Variants in LINGO2 observed in about 807,000 individuals in gnomAD.
LINGO2 encodes the protein leucine-rich repeat and immunoglobulin-like domain-containing nogo receptor-interacting protein 2.
LINGO2 carries 14 observed loss-of-function variants against 30.6 expected under a neutral mutation model. The observed-to-expected ratio is 0.46, with a 90% CI of 0.30 to 0.72. The LOEUF is 0.72. Ranked by LOEUF, LINGO2 falls within the 30% of genes least tolerant of loss-of-function variation. The pLI is 0.07. For synonymous variants in LINGO2, 317 were observed against 288.5 expected (o/e 1.10, Z -1.00); for missense variants, 729 against 751.7 (o/e 0.97, Z 0.35).
At chr9:29,085,170 T>C in the LINGO2 span, among the ~76,000 whole-genome samples, 6 of 151,430 alleles carry the variant, frequency 4.0e-5, no homozygotes, top group Non-Finnish European at 8.9e-5. Flanking sequence ...AAATTAATAT[T>C]TGGCAGCCTG....
At chr9:28,514,945 A>AG (rs1820557826) in intron 1 of LINGO2, among the ~76,000 whole-genome samples, 1 of 151,808 alleles carries the variant, frequency 6.6e-6, no homozygotes, top group African/African-American at 2.4e-5. Context: ...TAAAAAAAAA[A>AG]AAGAAGCCTG....
At chr9:28,675,462 G>T in the LINGO2 span, among the ~76,000 whole-genome samples, 1 of 151,880 alleles carries the variant, frequency 6.6e-6, no homozygotes, top group Non-Finnish European at 1.5e-5. Flanking sequence ...TGTTGTTTTG[G>T]CTTTTTGAAA....
chr9:28,297,003 G>C (rs1253747329), intron 3 of LINGO2, among the ~76,000 whole-genome samples: 1 of 151,482 alleles, frequency 6.6e-6, no homozygotes, highest in Non-Finnish European at 1.5e-5. Context: ...AACCTTTTTT[G>C]GTCTTTTGGC....
chr9:28,663,546 G>T (rs1828669995), intron 1 of LINGO2, among the ~76,000 whole-genome samples: 1 of 152,034 alleles, frequency 6.6e-6, no homozygotes, highest in South Asian at 2.1e-4. Context: ...ACAATTCACT[G>T]CAATTCAACT....
the LINGO2 span, among the ~76,000 whole-genome samples, chr9:29,137,340 T>C: frequency 6.6e-6 from 1 of 152,164 alleles, no homozygotes; most frequent in East Asian, 1.9e-4. Flanking sequence ...CTTCATTATT[T>C]AACAGTTCAC....
intron 2 of LINGO2, among the ~76,000 whole-genome samples, chr9:28,444,751 G>A (rs886114633): frequency 2.6e-5 from 4 of 152,208 alleles, no homozygotes; most frequent in African/African-American, 7.2e-5. Flanking sequence ...GGTGCCTGAA[G>A]CTGCCCACCC....
intron 5 of LINGO2, among the ~76,000 whole-genome samples, chr9:27,977,402 T>C (rs1820649939): frequency 6.6e-6 from 1 of 151,758 alleles, no homozygotes. Context: ...AAAGAGTGTG[T>C]GTCGGGGGCG....
chr9:28,846,158 T>G, the LINGO2 span, among the ~76,000 whole-genome samples: 1 of 151,662 alleles, frequency 6.6e-6, no homozygotes, highest in Non-Finnish European at 1.5e-5. Flanking sequence ...CAGAGATGAA[T>G]GTATATAGGC....
the LINGO2 span, among the ~76,000 whole-genome samples, chr9:29,006,086 T>G: frequency 6.6e-6 from 1 of 151,700 alleles, no homozygotes; most frequent in Non-Finnish European, 1.5e-5. Flanking sequence ...ACTTTTATTT[T>G]AATATATGTT....
At chr9:28,344,194 A>G (rs976234622) in intron 3 of LINGO2, among the ~76,000 whole-genome samples, 6 of 152,314 alleles carry the variant, frequency 3.9e-5, no homozygotes, top group Non-Finnish European at 8.8e-5. Context: ...CACAAATTTC[A>G]TTTAATAACA....
chr9:28,911,850 C>T, the LINGO2 span, among the ~76,000 whole-genome samples: 857 of 152,138 alleles, frequency 5.6e-3, 13 homozygotes, highest in African/African-American at 0.019. Context: ...CGGAGAGTAA[C>T]CAAGTAATTC....
At chr9:28,158,212 G>A (rs867691011) in intron 4 of LINGO2, among the ~76,000 whole-genome samples, 5 of 152,160 alleles carry the variant, frequency 3.3e-5, no homozygotes, top group East Asian at 1.9e-4. Flanking sequence ...GAGAGCTTGC[G>A]CAGGGAAATT....
the LINGO2 span, among the ~76,000 whole-genome samples, chr9:28,890,195 T>TTTTTGTTTTG: frequency 4.9e-3 from 741 of 151,084 alleles, 11 homozygotes; most frequent in African/African-American, 0.017. Context: ...TTTTCTTGGT[T>TTTTTGTTTTG]TTTTGTTTTG....
chr9:29,030,210 C>A, the LINGO2 span, among the ~76,000 whole-genome samples: 2 of 151,904 alleles, frequency 1.3e-5, no homozygotes, highest in African/African-American at 2.4e-5. Flanking sequence ...TTGCCATTTT[C>A]CTAAGAAAAG....
At chr9:27,946,779 T>C (rs948220085), downstream of LINGO2, among the ~76,000 whole-genome samples, 1 of 152,142 alleles carries the variant, frequency 6.6e-6, no homozygotes, top group African/African-American at 2.4e-5. Context: ...AGATCTATGA[T>C]AGTCATCAGA....
At chr9:28,577,182 G>A (rs938674939) in intron 1 of LINGO2, among the ~76,000 whole-genome samples, 11 of 152,136 alleles carry the variant, frequency 7.2e-5, no homozygotes, top group African/African-American at 2.4e-4. Context: ...CTAAAATGTA[G>A]GAGTATTTAA....
chr9:28,010,255 A>G (rs1822487783), intron 5 of LINGO2, among the ~76,000 whole-genome samples: 1 of 152,216 alleles, frequency 6.6e-6, no homozygotes, highest in African/African-American at 2.4e-5. Context: ...AAATTTTAGC[A>G]TTAAATTTTC....
chr9:28,543,392 T>C (rs1481101340), intron 1 of LINGO2, among the ~76,000 whole-genome samples: 3 of 152,122 alleles, frequency 2.0e-5, no homozygotes, highest in African/African-American at 7.2e-5. Flanking sequence ...ATTTTATTCA[T>C]AATTAGAAAG....
intron 5 of LINGO2, among the ~76,000 whole-genome samples, chr9:27,955,670 T>C (rs1819526755): frequency 9.3e-6 from 1 of 108,096 alleles, no homozygotes. Flanking sequence ...TATTGTTTTG[T>C]CACAACTTGC....
Sources: gnomAD v4.1 joint callset for allele counts (sites outside exome capture counted in the v4.1 genomes callset) on GRCh38, gnomAD v4.1.1 for gene constraint, MANE v1.5 for transcripts, NCBI Gene and HGNC (gene_info 2026-07-23, HGNC 2026-07-21) for gene names.